The following KHDRBS2 variants were observed in gnomAD, a reference collection of about 807,000 sequenced individuals.
KHDRBS2 encodes KH RNA binding domain containing, signal transduction associated 2, also known as KH domain-containing, RNA-binding, signal transduction-associated protein 2.
Under a neutral mutation model 44.3 loss-of-function variants are expected in KHDRBS2, and 26 were observed. The ratio of observed to expected loss-of-function variants is 0.59; its 90% CI spans 0.43 to 0.81. The LOEUF (loss-of-function observed/expected upper bound fraction) is 0.81, where lower values mean the gene tolerates loss of function less well. Among genes scored for constraint, KHDRBS2 ranks in the 40% least tolerant of loss-of-function variants. KHDRBS2 has a pLI of 0.00. For missense variants in KHDRBS2, 476 were observed against 433.1 expected, an observed-to-expected ratio of 1.10 and a Z score of -0.88; for synonymous variants, 194 against 151.1, an observed-to-expected ratio of 1.28 and a Z score of -2.08.
intron 1 of KHDRBS2, among the ~76,000 whole-genome samples, chr6:62,199,022 A>T (rs573825584): frequency 3.9e-4 from 59 of 152,172 alleles, no homozygotes; most frequent in South Asian, 3.1e-3. Context: ...AAAAGGCGTT[A>T]GACAAAATTC....
At chr6:61,828,221 G>A (rs1210271445) in intron 6 of KHDRBS2, among the ~76,000 whole-genome samples, 1 of 152,164 alleles carries the variant, frequency 6.6e-6, no homozygotes, top group Non-Finnish European at 1.5e-5. Context: ...CAATGTGACA[G>A]TCTGATCCTG....
At chr6:62,089,784 G>C (rs1219802864) in intron 2 of KHDRBS2, among the ~76,000 whole-genome samples, 1 of 152,094 alleles carries the variant, frequency 6.6e-6, no homozygotes, top group African/African-American at 2.4e-5. Context: ...GTTGTTTTCT[G>C]TATCTATATT....
chr6:61,913,128 TGATTAGGAGAAGGTA>T (rs1240897970), intron 4 of KHDRBS2, among the ~76,000 whole-genome samples: 1 of 152,120 alleles, frequency 6.6e-6, no homozygotes, highest in Admixed American at 6.6e-5. Flanking sequence ...CTTCAAACTC[TGATTAGGAGAAGGTA>T]ACCACTTAGT....
At chr6:61,870,292 C>G (rs556925287) in intron 6 of KHDRBS2, among the ~76,000 whole-genome samples, 6 of 152,124 alleles carry the variant, frequency 3.9e-5, no homozygotes, top group Non-Finnish European at 8.8e-5. Context: ...TCGAACGGGA[C>G]GGAGCCCACG....
intron 1 of KHDRBS2, among the ~76,000 whole-genome samples, chr6:62,239,388 C>T (rs2150165700): frequency 6.6e-6 from 1 of 152,172 alleles, no homozygotes; most frequent in Non-Finnish European, 1.5e-5. Context: ...GCCTTGCCAA[C>T]ATGGTGAAAC....
At chr6:62,188,218 G>A (rs975923757) in intron 1 of KHDRBS2, among the ~76,000 whole-genome samples, 2 of 152,018 alleles carry the variant, frequency 1.3e-5, no homozygotes, top group Non-Finnish European at 2.9e-5. Context: ...GAGATTTGGA[G>A]AGGACAAATA....
chr6:61,916,999 G>T (rs1583495849), intron 4 of KHDRBS2, among the ~76,000 whole-genome samples: 1 of 142,610 alleles, frequency 7.0e-6, no homozygotes, highest in East Asian at 2.0e-4. Context: ...TGCTGGTGGG[G>T]ATTCAAAATG....
At chr6:61,570,122 G>A in the KHDRBS2 span, among the ~76,000 whole-genome samples, 2 of 151,894 alleles carry the variant, frequency 1.3e-5, no homozygotes, top group East Asian at 3.9e-4. Flanking sequence ...TGATTAATAA[G>A]GTACTCAAGG....
intron 2 of KHDRBS2, among the ~76,000 whole-genome samples, chr6:62,144,549 A>C (rs940510197): frequency 4.6e-5 from 7 of 151,958 alleles, no homozygotes; most frequent in African/African-American, 1.7e-4. Context: ...AGTTCACGTG[A>C]AACAGCTACA....
chr6:62,031,224 C>A (rs751199732), intron 3 of KHDRBS2, among the ~76,000 whole-genome samples: 5 of 151,898 alleles, frequency 3.3e-5, no homozygotes, highest in South Asian at 2.1e-4. Context: ...AACTAAAGAG[C>A]CCTTGAGCCC....
the KHDRBS2 span, among the ~76,000 whole-genome samples, chr6:61,579,363 A>T: frequency 1.3e-5 from 2 of 152,234 alleles, no homozygotes; most frequent in African/African-American, 4.8e-5. Flanking sequence ...TGGTTGAAAT[A>T]GAGATACTGG....
chr6:62,069,833 TGTG>T (rs1794571574), intron 2 of KHDRBS2, among the ~76,000 whole-genome samples: 1 of 151,818 alleles, frequency 6.6e-6, no homozygotes, highest in Non-Finnish European at 1.5e-5. Context: ...TATCATGGTC[TGTG>T]TTTATGTGAG....
the KHDRBS2 span, among the ~76,000 whole-genome samples, chr6:61,667,647 A>G: frequency 6.6e-6 from 1 of 150,960 alleles, no homozygotes; most frequent in African/African-American, 2.4e-5. Context: ...ACTGCAGTTG[A>G]TGTCATTTTT....
intron 2 of KHDRBS2, among the ~76,000 whole-genome samples, chr6:62,128,225 T>C (rs1487288220): frequency 2.0e-5 from 3 of 152,076 alleles, no homozygotes; most frequent in Admixed American, 6.6e-5. Flanking sequence ...TTACTCCCTA[T>C]AGAATTATGG....
chr6:62,108,577 C>G (rs1419030148), intron 2 of KHDRBS2, among the ~76,000 whole-genome samples: 1 of 152,100 alleles, frequency 6.6e-6, no homozygotes, highest in Non-Finnish European at 1.5e-5. Flanking sequence ...TACCATTTGA[C>G]CCAGCCATCC....
intron 2 of KHDRBS2, among the ~76,000 whole-genome samples, chr6:62,057,303 G>C (rs575930736): frequency 6.6e-6 from 1 of 151,780 alleles, no homozygotes; most frequent in Admixed American, 6.6e-5. Context: ...GGCTCAGAAG[G>C]CTTTTCCATG....
At chr6:61,581,347 T>G in the KHDRBS2 span, among the ~76,000 whole-genome samples, 1 of 152,174 alleles carries the variant, frequency 6.6e-6, no homozygotes, top group East Asian at 1.9e-4. Flanking sequence ...TACTTTTGAG[T>G]TATTTTATTT....
At chr6:61,686,198 G>A (rs1766796984) in intron 8 of KHDRBS2, among the ~76,000 whole-genome samples, 1 of 151,712 alleles carries the variant, frequency 6.6e-6, no homozygotes, top group African/African-American at 2.4e-5. Flanking sequence ...CAAAACGAAG[G>A]AAGCTCATGC....
the KHDRBS2 span, among the ~76,000 whole-genome samples, chr6:61,631,305 C>CAAAAAAAAAAAAAA: frequency 2.4e-4 from 16 of 66,990 alleles, no homozygotes; most frequent in African/African-American, 2.8e-4. Context: ...ACGAATAAGC[C>CAAAAAAAAAAAAAA]AAAAAAAAAA....
Sources: gnomAD v4.1 joint callset for allele counts (sites outside exome capture counted in the v4.1 genomes callset) on GRCh38, gnomAD v4.1.1 for gene constraint, MANE v1.5 for transcripts, NCBI Gene and HGNC (gene_info 2026-07-23, HGNC 2026-07-21) for gene names.